Variants in NAV3 observed in about 807,000 individuals in gnomAD.
NAV3 encodes neuron navigator 3.
A neutral mutation model predicts 244.7 loss-of-function variants in NAV3; 87 were observed. That is an observed-to-expected ratio of 0.36 (90% confidence interval 0.30 to 0.42). The LOEUF is 0.42. Ranked by LOEUF, NAV3 falls within the 20% of genes least tolerant of loss-of-function variation. The pLI is 1.00. For synonymous variants in NAV3, 1,126 were observed against 1,042.2 expected, an observed-to-expected ratio of 1.08 and a Z score of -1.55; for missense variants, 2,663 against 2,893.3, an observed-to-expected ratio of 0.92 and a Z score of 1.83.
intron 2 of NAV3, among the ~76,000 whole-genome samples, chr12:77,589,290 T>C (rs711103): frequency 0.038 from 5,766 of 152,182 alleles, 129 homozygotes; most frequent in Middle Eastern, 0.071. Context: ...TTCTGAGCCC[T>C]CCAAACTGTT....
intron 2 of NAV3, among the ~76,000 whole-genome samples, chr12:77,677,308 A>T (rs969925269): frequency 1.3e-5 from 2 of 152,258 alleles, no homozygotes; most frequent in African/African-American, 2.4e-5. Context: ...ACAAAAACTT[A>T]TTCTTTTAAA....
At chr12:77,740,769 GA>G (rs1433142072) in intron 2 of NAV3, among the ~76,000 whole-genome samples, 1 of 152,060 alleles carries the variant, frequency 6.6e-6, no homozygotes, top group African/African-American at 2.4e-5. Context: ...AATTACTGTG[GA>G]AAAGAGAAGG....
At chr12:77,870,526 A>G (rs568796399) in intron 1 of NAV3, among the ~76,000 whole-genome samples, 1 of 152,152 alleles carries the variant, frequency 6.6e-6, no homozygotes, top group Non-Finnish European at 1.5e-5. Context: ...GACATTTAGG[A>G]ATCGGGATAA....
At chr12:77,957,931 G>A (rs1327267363) in intron 3 of NAV3, among the ~76,000 whole-genome samples, 1 of 152,154 alleles carries the variant, frequency 6.6e-6, no homozygotes, top group Non-Finnish European at 1.5e-5. Context: ...CTCCCTAAGT[G>A]CTGGGATTAC....
chr12:77,812,622 C>T (rs546212569), intron 2 of NAV3, among the ~76,000 whole-genome samples: 1 of 151,986 alleles, frequency 6.6e-6, no homozygotes, highest in South Asian at 2.1e-4. Flanking sequence ...ACCACACTGG[C>T]CAGGCTGGTC....
intron 1 of NAV3, among the ~76,000 whole-genome samples, chr12:77,892,350 C>T (rs1393713884): frequency 6.6e-6 from 1 of 151,804 alleles, no homozygotes; most frequent in Non-Finnish European, 1.5e-5. Context: ...TTTATTTGTG[C>T]ATTAGGTGAT....
At position 78,119,858 on chromosome 12, in the gene NAV3, G is replaced by T. The variant is rs1593666258; in HGVS notation, c.3662G>T (p.Ser1221Ile). 6.2e-7 allele frequency: 1 copy of T among 1,614,104 alleles called. No homozygotes were observed. ...TCTTTGTCAGGTTCCCCCAAATCCA[G>T]CCCCACCTCTGCCAGCGCCTGTGGT... ...SVSLSGSPKSSPTSASACGAQ... is the reference protein window; with the variant it reads ...SVSLSGSPKSIPTSASACGAQ... Residue 1221 changes from serine (S) to isoleucine (I), a missense_variant, in exon 15 of 40, where the codon AGC becomes ATC. Coordinates refer to ENST00000397909, the MANE Select transcript of NAV3 (RefSeq NM_001024383.2).
At chr12:77,714,541 A>G (rs1341297447) in intron 2 of NAV3, among the ~76,000 whole-genome samples, 1 of 152,160 alleles carries the variant, frequency 6.6e-6, no homozygotes, top group Non-Finnish European at 1.5e-5. Context: ...CTCCGCCAGT[A>G]ATTAATTCCT....
intron 3 of NAV3, among the ~76,000 whole-genome samples, chr12:77,959,671 A>T (rs1214170092): frequency 6.6e-6 from 1 of 151,876 alleles, no homozygotes; most frequent in Non-Finnish European, 1.5e-5. Flanking sequence ...CCATCATGGA[A>T]TTTTTTTGAA....
chr12:78,114,266 ACT>A (rs1475555839), intron 12 of NAV3, among the ~76,000 whole-genome samples: 3 of 152,048 alleles, frequency 2.0e-5, no homozygotes, highest in Non-Finnish European at 4.4e-5. Context: ...AACTGTTCCA[ACT>A]TCTGCCTGTT....
At chr12:77,909,551 A>G (rs1408310845) in intron 1 of NAV3, among the ~76,000 whole-genome samples, 2 of 152,128 alleles carry the variant, frequency 1.3e-5, no homozygotes, top group Admixed American at 6.6e-5. Flanking sequence ...TCTTTCAGGT[A>G]GAACAAGTTC....
intron 12 of NAV3, among the ~76,000 whole-genome samples, chr12:78,065,997 T>C (rs888668046): frequency 1.3e-5 from 2 of 152,106 alleles, no homozygotes; most frequent in Non-Finnish European, 1.5e-5. Flanking sequence ...TAAAACCTAG[T>C]CCCCCTTGTG....
At chr12:78,094,135 T>A (rs1954109723) in intron 12 of NAV3, among the ~76,000 whole-genome samples, 1 of 152,222 alleles carries the variant, frequency 6.6e-6, no homozygotes, top group Non-Finnish European at 1.5e-5. Context: ...CCACCATGTC[T>A]GACCTATTTT....
At chr12:77,975,599 T>G (rs1868314414) in intron 5 of NAV3, among the ~76,000 whole-genome samples, 1 of 152,208 alleles carries the variant, frequency 6.6e-6, no homozygotes, top group African/African-American at 2.4e-5. Context: ...GGGCAGTGTT[T>G]CAGGCTGAGA....
chr12:77,670,893 A>T (rs1467273773), intron 2 of NAV3, among the ~76,000 whole-genome samples: 3 of 152,142 alleles, frequency 2.0e-5, no homozygotes, highest in Non-Finnish European at 4.4e-5. Flanking sequence ...GAGGATGGGT[A>T]CTTTCACCAC....
chr12:77,968,441 A>C lies in NAV3; in HGVS notation c.488-78A>C, dbSNP rs1237492821. 7.2e-6 allele frequency: 8 copies of C among 1,117,570 alleles called. No homozygotes were observed. The Admixed American group carries it at 1.6e-4, about 22-fold the overall frequency. 69.2% of individuals were successfully genotyped at this position (1,117,570 alleles called of 1,614,324 possible). ...TCTCTGTCTTCATAGATTTATTTCA[A>C]GAGAAATGCATCTAGAATTTGTTAA... On this transcript the variant is annotated intron_variant, in intron 4 of 39. Coordinates refer to ENST00000397909, the MANE Select transcript of NAV3 (RefSeq NM_001024383.2).
intron 2 of NAV3, among the ~76,000 whole-genome samples, chr12:77,706,471 T>C (rs1875804350): frequency 6.6e-6 from 1 of 151,434 alleles, no homozygotes; most frequent in Non-Finnish European, 1.5e-5. Context: ...CTACTTTTCA[T>C]GTGTACACTC....
chr12:77,772,532 C>A (rs1015796528), intron 2 of NAV3, among the ~76,000 whole-genome samples: 2 of 152,184 alleles, frequency 1.3e-5, no homozygotes, highest in Non-Finnish European at 2.9e-5. Flanking sequence ...ACACTGACTT[C>A]ACTGAGCAAA....
intron 16 of NAV3, 145 bp downstream of exon 16, chr12:78,122,573 G>T: frequency 1.0e-6 from 1 of 986,674 alleles, no homozygotes; most frequent in Non-Finnish European, 1.4e-6. Context: ...CCTTTCATTT[G>T]CTCTCATTAC....
Sources: gnomAD v4.1 joint callset for allele counts (sites outside exome capture counted in the v4.1 genomes callset) on GRCh38, gnomAD v4.1.1 for gene constraint, MANE v1.5 for transcripts, NCBI Gene and HGNC (gene_info 2026-07-23, HGNC 2026-07-21) for gene names.